AARS1: variants seen among roughly 807,000 people sequenced by gnomAD.
The protein encoded by AARS1 is alanine--tRNA ligase, cytoplasmic.
A neutral mutation model predicts 108.9 loss-of-function variants in AARS1; 72 were observed. That is an observed-to-expected ratio of 0.66 (90% CI 0.55 to 0.80). The LOEUF (loss-of-function observed/expected upper bound fraction) is 0.80. Ranked by LOEUF, AARS1 falls within the 30% of genes least tolerant of loss-of-function variation. The probability of loss-of-function intolerance (pLI) is 0.00; values close to 1 mark genes in which losing one functional copy is unlikely to be tolerated. For missense variants in AARS1, 1,193 were observed against 1,233.2 expected (o/e 0.97, Z 0.49); for synonymous variants, 489 against 465.7 (o/e 1.05, Z -0.64).
At chr16:70,282,895 T>C in intron 1 of AARS1, 111 bp from the exon 2 acceptor site, 2 of 1,039,174 alleles carry the variant, frequency 1.9e-6, no homozygotes, top group Non-Finnish European at 1.5e-6. Context: ...TCAGGTGAGC[T>C]GTTTGATCCT....
intron 1 of AARS1, among the ~76,000 whole-genome samples, chr16:70,288,168 T>C (rs1597452287): frequency 7.5e-6 from 1 of 133,886 alleles, no homozygotes; most frequent in Non-Finnish European, 1.6e-5. Context: ...AGTGGCGCGA[T>C]CTCAGCTCAC....
rs199521984 is a variant in AARS1, at chr16:70,253,810, A to G, written c.2521-10T>C. On this transcript the variant is annotated splice_polypyrimidine_tract_variant and intron_variant, in intron 18 of 20. Transcript: ENST00000261772. Reference sequence around the variant, plus strand: ...TCGTCTTCTCTAACACCTGCAAGAAAAAAGTCCAGAACAGCAGCTCAGACC... The same window carrying G: ...TCGTCTTCTCTAACACCTGCAAGAAGAAAGTCCAGAACAGCAGCTCAGACC... The G allele has an allele frequency of 2.2e-5, 36 of 1,614,206 alleles. No individual in the cohort carries two copies. The Admixed American group carries it at 4.5e-4, about 20-fold the overall frequency.
intron 20 of AARS1, 27 bp from the exon 21 acceptor site, chr16:70,252,933 T>C (rs1478829784): frequency 6.2e-7 from 1 of 1,608,806 alleles, no homozygotes; most frequent in East Asian, 2.2e-5. Flanking sequence ...GAAGGGGGAG[T>C]CAGCACAGAA....
At position 70,253,683 on chromosome 16, in the gene AARS1, C is replaced by CT. The variant is rs763846915; in HGVS notation, c.2607+30dup. 319 of 1,609,570 alleles carry CT rather than the reference C, an allele frequency of 2.0e-4. 3 individuals carry two copies. The highest frequency in any genetic ancestry group is 1.6e-3 in the South Asian group (142 of 91,002). ...TCAGCCACCAGAGAGCTGATGAGCC[C>CT]TAGGGGAGGGGACCCTGGCCCCTGG... On this transcript the variant is annotated intron_variant, in intron 19 of 20. Coordinates refer to ENST00000261772, the MANE Select transcript of AARS1 (RefSeq NM_001605.3).
intron 12 of AARS1, chr16:70,261,432 C>T: frequency 3.0e-6 from 1 of 335,278 alleles, no homozygotes; most frequent in South Asian, 2.5e-5. Flanking sequence ...CCCATCTCTA[C>T]TAAAAAAATA....
intron 7 of AARS1, among the ~76,000 whole-genome samples, chr16:70,268,709 T>C (rs977006956): frequency 2.0e-5 from 3 of 152,236 alleles, no homozygotes; most frequent in Admixed American, 1.3e-4. Flanking sequence ...CCAGGGCTGG[T>C]CAATACCTAC....
intron 13 of AARS1, 137 bp from the exon 14 acceptor site, chr16:70,259,323 C>A: frequency 1.1e-6 from 1 of 919,352 alleles, no homozygotes. Context: ...TCCCAGCTTC[C>A]CTATGGCTAA....
In AARS1 at chr16:70,270,351, C is replaced by T; in HGVS notation, c.672-11G>A. On this transcript the variant is annotated splice_polypyrimidine_tract_variant and intron_variant, in intron 5 of 20. Coordinates refer to ENST00000261772, the MANE Select transcript of AARS1 (RefSeq NM_001605.3). Reference sequence around the variant, plus strand: ...ATGCCATCAGCTTCCCTGTATGATCCAGAAGAAGAGGAGGTTGAAGCAGAG... The same window carrying T: ...ATGCCATCAGCTTCCCTGTATGATCTAGAAGAAGAGGAGGTTGAAGCAGAG... The T allele has an allele frequency of 6.2e-7, 1 of 1,614,106 alleles. No homozygotes were observed. Among genetic ancestry groups the T allele is most frequent in the Non-Finnish European group, 8.5e-7 (1 of 1,180,022 alleles).
chr16:70,282,483 C>G (rs1227518578), intron 2 of AARS1, 137 bp downstream of exon 2: 7 of 1,036,250 alleles, frequency 6.8e-6, no homozygotes, highest in African/African-American at 1.6e-5. Flanking sequence ...GAAACTGAGG[C>G]CCATCACATA....
rs367969052 is a variant in AARS1 at position 70,252,688 on chromosome 16, G to C, written c.*33C>G. 10 of 1,611,020 alleles carry C rather than the reference G, an allele frequency of 6.2e-6. No homozygotes were observed. The African/African-American group carries it at 1.1e-4, about 17-fold the overall frequency. On this transcript the variant is annotated 3_prime_UTR_variant, in exon 21 of 21. Transcript: ENST00000261772. Reference sequence around the variant, plus strand: ...CAGATGAAGAGCTCTTGGCTGGACGGATGGATCCAGTGGGAGCCTCCTCCT... The same window carrying C: ...CAGATGAAGAGCTCTTGGCTGGACGCATGGATCCAGTGGGAGCCTCCTCCT...
At chr16:70,275,417 C>T (rs960307260) in intron 4 of AARS1, among the ~76,000 whole-genome samples, 1 of 151,708 alleles carries the variant, frequency 6.6e-6, no homozygotes, top group Non-Finnish European at 1.5e-5. Context: ...AGATCGAGAT[C>T]ATCCTGGCTA....
rs1379593625 is a variant in AARS1, at chr16:70,282,774, A to G, written c.-11T>C. The G allele has an allele frequency of 6.2e-7, 1 of 1,613,660 alleles. No individual in the cohort carries two copies. The highest frequency in any genetic ancestry group is 8.5e-7 in the Non-Finnish European group (1 of 1,179,898). On this transcript the variant is annotated 5_prime_UTR_variant, in exon 2 of 21. Transcript: ENST00000261772. ...TAGAGTAGAGTCCATCTTGAAAGTC[A>G]CCCCAAAGAACTAATCAAAGAAAAA...
In AARS1 at chr16:70,253,944, G is replaced by C; in HGVS notation, c.2495C>G (p.Ala832Gly). Residue 832 changes from alanine to glycine, a missense_variant, in exon 18 of 21, where the codon GCC becomes GGC. By Grantham distance (60) the Ala-to-Gly change is moderately conservative. Transcript: ENST00000261772. Reference sequence around the variant, plus strand: ...TCGTTTCTGGACATCGGCTTTGCTGGCTCGGTCCAAGTCATCCATGACCTT... The same window carrying C: ...TCGTTTCTGGACATCGGCTTTGCTGCCTCGGTCCAAGTCATCCATGACCTT... ...LKKVMDDLDR[A>G]SKADVQKRVL... 6.2e-7 allele frequency: 1 copy of C among 1,614,204 alleles called. No individual in the cohort carries two copies. Among genetic ancestry groups the C allele is most frequent in the South Asian group, 1.1e-5 (1 of 91,084 alleles).
chr16:70,283,857 G>C (rs1441321193), intron 1 of AARS1, among the ~76,000 whole-genome samples: 2 of 152,192 alleles, frequency 1.3e-5, no homozygotes, highest in Non-Finnish European at 2.9e-5. Context: ...TGGAGGCACA[G>C]CTTACTGAAA....
Position 70,269,770 on chromosome 16 carries a change from A to G in AARS1, c.817-7T>C, listed in dbSNP as rs770186013. ...ATGGTCGGGCACCTGTGCCCTATAG[A>G]TAAGAATCAGGAGGCAGCCCTTTAG... is the stretch of plus-strand genomic sequence containing the variant. On this transcript the variant is annotated splice_polypyrimidine_tract_variant and splice_region_variant and intron_variant, in intron 6 of 20. Coordinates refer to ENST00000261772, the MANE Select transcript of AARS1 (RefSeq NM_001605.3). 28 of 1,613,968 alleles carry G rather than the reference A, an allele frequency of 1.7e-5. No individual in the cohort carries two copies. Among genetic ancestry groups the G allele is most frequent in the East Asian group, 6.7e-5 (3 of 44,896 alleles).
chr16:70,261,201 A>C, intron 12 of AARS1, 44 bp from the exon 13 acceptor site: 1 of 1,455,344 alleles, frequency 6.9e-7, no homozygotes, highest in Admixed American at 1.7e-5. Context: ...ATCCTTAAAA[A>C]CATACAAATT....
intron 2 of AARS1, among the ~76,000 whole-genome samples, chr16:70,278,750 C>T (rs1230646463): frequency 2.0e-5 from 3 of 152,074 alleles, no homozygotes; most frequent in African/African-American, 7.2e-5. Context: ...CTCTCTCACT[C>T]ATCTCTGTAT....
chr16:70,256,736 T>TA (rs748599071), intron 15 of AARS1, among the ~76,000 whole-genome samples: 16 of 152,220 alleles, frequency 1.1e-4, no homozygotes, highest in South Asian at 1.0e-3. Context: ...CCCAGGCCCC[T>TA]ATCCTACTCT....
Position 70,262,327 on chromosome 16 carries a change from G to A in AARS1, c.1671+19C>T, listed in dbSNP as rs768142640. The A allele has an allele frequency of 7.4e-6, 12 of 1,614,126 alleles. No individual in the cohort carries two copies. Among genetic ancestry groups the A allele is most frequent in the Non-Finnish European group, 1.0e-5 (12 of 1,180,008 alleles). On this transcript the variant is annotated intron_variant, in intron 12 of 20. Coordinates refer to ENST00000261772, the MANE Select transcript of AARS1 (RefSeq NM_001605.3). ...ACGCCTGGCCCTCCTCGGCTAACAA[G>A]GAAGAACTGTTGGCTCACATCTTCA...
Sources: allele counts gnomAD v4.1 joint callset (sites outside exome capture counted in the v4.1 genomes callset), GRCh38; gene constraint gnomAD v4.1.1; transcripts MANE v1.5; gene names NCBI Gene and HGNC (gene_info 2026-07-23, HGNC 2026-07-21).